The following RAB38 variants were observed in gnomAD, a reference collection of about 807,000 sequenced individuals.
The protein encoded by RAB38 is ras-related protein Rab-38.
RAB38 carries 15 observed loss-of-function variants against 18.4 expected under a neutral mutation model. The ratio of observed to expected loss-of-function variants is 0.82; its 90% confidence interval spans 0.55 to 1.26. The LOEUF (loss-of-function observed/expected upper bound fraction) is 1.26, where lower values mean the gene tolerates loss of function less well. Ranked by LOEUF, RAB38 falls within the 50% of genes most tolerant of loss-of-function variation. The pLI, the probability that RAB38 is intolerant of heterozygous loss-of-function variation, is 0.00. For missense variants in RAB38, 294 were observed against 267.4 expected (o/e 1.10, Z -0.69); for synonymous variants, 101 against 104.4 (o/e 0.97, Z 0.20).
the RAB38 span, among the ~76,000 whole-genome samples, chr11:87,823,463 C>G: frequency 6.6e-6 from 1 of 151,338 alleles, no homozygotes; most frequent in African/African-American, 2.4e-5. Context: ...TGCTAAAACA[C>G]ATTTTTAAAA....
At chr11:87,922,957 AAAGT>A in the RAB38 span, among the ~76,000 whole-genome samples, 14 of 151,468 alleles carry the variant, frequency 9.2e-5, no homozygotes, top group East Asian at 1.9e-4. Flanking sequence ...AGAGAAGGAA[AAAGT>A]AAGGAAGGAA....
the RAB38 span, among the ~76,000 whole-genome samples, chr11:87,805,032 GT>G: frequency 6.6e-6 from 1 of 152,124 alleles, no homozygotes; most frequent in African/African-American, 2.4e-5. Flanking sequence ...TTAAAAGCCT[GT>G]TTTGGAACTT....
the RAB38 span, among the ~76,000 whole-genome samples, chr11:87,842,793 T>C: frequency 1.2e-4 from 17 of 136,722 alleles, 1 homozygote; most frequent in Middle Eastern, 0.011. Context: ...TGCATGCGCA[T>C]GCACACACAC....
chr11:88,041,901 C>T, the RAB38 span, among the ~76,000 whole-genome samples: 1 of 152,136 alleles, frequency 6.6e-6, no homozygotes, highest in Non-Finnish European at 1.5e-5. Context: ...AGCTCAGCCT[C>T]CCCTCATCCT....
At chr11:88,096,842 C>G in the RAB38 span, among the ~76,000 whole-genome samples, 55 of 151,616 alleles carry the variant, frequency 3.6e-4, no homozygotes, top group African/African-American at 1.3e-3. Flanking sequence ...AGAAAATATT[C>G]TAGAAACTTA....
At chr11:87,867,108 C>T in the RAB38 span, among the ~76,000 whole-genome samples, 1 of 151,772 alleles carries the variant, frequency 6.6e-6, no homozygotes, top group Non-Finnish European at 1.5e-5. Flanking sequence ...TCCAGCTCAG[C>T]TTTCTGAATG....
intron 2 of RAB38, among the ~76,000 whole-genome samples, chr11:88,122,597 T>C (rs979381400): frequency 6.6e-6 from 1 of 152,242 alleles, no homozygotes; most frequent in Non-Finnish European, 1.5e-5. Flanking sequence ...ACATACATAA[T>C]CTCATTTAAC....
At chr11:87,812,252 T>C in the RAB38 span, among the ~76,000 whole-genome samples, 1 of 152,208 alleles carries the variant, frequency 6.6e-6, no homozygotes, top group Non-Finnish European at 1.5e-5. Context: ...TTTGTTTTGC[T>C]AAATACAAAA....
the RAB38 span, among the ~76,000 whole-genome samples, chr11:88,011,382 T>C: frequency 6.6e-6 from 1 of 152,222 alleles, no homozygotes; most frequent in East Asian, 1.9e-4. Flanking sequence ...GGCCCATCTC[T>C]ATCAAGATGT....
the RAB38 span, among the ~76,000 whole-genome samples, chr11:88,094,610 C>T: frequency 6.6e-6 from 1 of 151,678 alleles, no homozygotes; most frequent in African/African-American, 2.4e-5. Context: ...TACATGTGTC[C>T]TCATATCCCT....
chr11:88,022,623 A>AAAAC, the RAB38 span, among the ~76,000 whole-genome samples: 1 of 150,012 alleles, frequency 6.7e-6, no homozygotes, highest in African/African-American at 2.4e-5. Context: ...AAAAAAAAAA[A>AAAAC]AAAAAAAAAC....
At chr11:87,868,605 GA>G in the RAB38 span, among the ~76,000 whole-genome samples, 20 of 76,330 alleles carry the variant, frequency 2.6e-4, no homozygotes, top group Admixed American at 1.1e-3. Flanking sequence ...GAGAGAGAGA[GA>G]GAGAGAGAGA....
the RAB38 span, among the ~76,000 whole-genome samples, chr11:87,866,963 C>G: frequency 6.6e-6 from 1 of 151,774 alleles, no homozygotes; most frequent in Non-Finnish European, 1.5e-5. Context: ...AAATGAGAAA[C>G]ATGCAAAATA....
the RAB38 span, among the ~76,000 whole-genome samples, chr11:87,933,398 T>C: frequency 6.6e-6 from 1 of 152,090 alleles, no homozygotes; most frequent in African/African-American, 2.4e-5. Flanking sequence ...GAGTAGAACA[T>C]GTGTTCTGGT....
At chr11:88,024,115 A>C in the RAB38 span, among the ~76,000 whole-genome samples, 6 of 152,170 alleles carry the variant, frequency 3.9e-5, no homozygotes, top group African/African-American at 1.4e-4. Context: ...GATAACCAGT[A>C]GAATGGGAGA....
At chr11:87,837,936 T>C in the RAB38 span, among the ~76,000 whole-genome samples, 101 of 152,272 alleles carry the variant, frequency 6.6e-4, no homozygotes, top group East Asian at 0.012. Flanking sequence ...TGTCTTCTTG[T>C]GAATTGATCT....
At chr11:88,077,920 C>G in the RAB38 span, among the ~76,000 whole-genome samples, 1 of 151,902 alleles carries the variant, frequency 6.6e-6, no homozygotes, top group Non-Finnish European at 1.5e-5. Context: ...AGTTAATAAC[C>G]AGAATATAGA....
At chr11:87,924,875 T>G in the RAB38 span, among the ~76,000 whole-genome samples, 1 of 151,958 alleles carries the variant, frequency 6.6e-6, no homozygotes, top group Non-Finnish European at 1.5e-5. Context: ...AAATGTGTGT[T>G]GTGTGTATGT....
the RAB38 span, among the ~76,000 whole-genome samples, chr11:87,844,577 T>A: frequency 6.6e-6 from 1 of 152,204 alleles, no homozygotes; most frequent in Non-Finnish European, 1.5e-5. Flanking sequence ...CTAACCACTA[T>A]GTTCTATTCC....
Sources: allele counts gnomAD v4.1 joint callset (sites outside exome capture counted in the v4.1 genomes callset), GRCh38; gene constraint gnomAD v4.1.1; transcripts MANE v1.5; gene names NCBI Gene and HGNC (gene_info 2026-07-23, HGNC 2026-07-21).